Variants in CCDC3 observed in about 807,000 individuals in gnomAD.
CCDC3 encodes coiled-coil domain-containing protein 3.
CCDC3 carries 24 observed loss-of-function variants against 21.4 expected under a neutral mutation model. That is an observed-to-expected ratio of 1.12 (90% CI 0.81 to 1.58). The LOEUF (loss-of-function observed/expected upper bound fraction) is 1.58, where lower values mean the gene tolerates loss of function less well. CCDC3 is among the 40% of genes most tolerant of loss of function. CCDC3 has a pLI of 0.00. For missense variants in CCDC3, 425 were observed against 360.9 expected (o/e 1.18, Z -1.44); for synonymous variants, 186 against 166.0 (o/e 1.12, Z -0.93).
intron 5 of CCDC3, among the ~76,000 whole-genome samples, chr10:13,014,876 CAG>C (rs1194896251): frequency 6.6e-6 from 1 of 152,058 alleles, no homozygotes; most frequent in Middle Eastern, 3.2e-3. Flanking sequence ...ATTCTTGAAA[CAG>C]TGTGGTAATT....
chr10:12,951,818 A>AAAAC (rs1454578359), intron 2 of CCDC3, among the ~76,000 whole-genome samples: 5 of 151,160 alleles, frequency 3.3e-5, no homozygotes, highest in African/African-American at 1.2e-4. Flanking sequence ...AAAAAAAAAA[A>AAAAC]AAAAAAAAAG....
At chr10:12,921,897 C>T (rs984133090) in intron 2 of CCDC3, among the ~76,000 whole-genome samples, 2 of 152,142 alleles carry the variant, frequency 1.3e-5, no homozygotes, top group African/African-American at 4.8e-5. Flanking sequence ...TGTGGGCCAC[C>T]ATGCCTGGCT....
At chr10:12,981,661 A>G (rs1835498871) in intron 2 of CCDC3, among the ~76,000 whole-genome samples, 1 of 152,162 alleles carries the variant, frequency 6.6e-6, no homozygotes, top group African/African-American at 2.4e-5. Context: ...CTGACTGCTG[A>G]CTTTTTGGCA....
chr10:12,982,603 G>C (rs1051853840), intron 2 of CCDC3, among the ~76,000 whole-genome samples: 8 of 151,670 alleles, frequency 5.3e-5, no homozygotes, highest in African/African-American at 1.7e-4. Flanking sequence ...AGACCAGCCT[G>C]ACCAACATGG....
chr10:12,943,288 G>A (rs1219791440), intron 2 of CCDC3, among the ~76,000 whole-genome samples: 1 of 152,112 alleles, frequency 6.6e-6, no homozygotes, highest in Non-Finnish European at 1.5e-5. Flanking sequence ...CCCCGCAAAC[G>A]ACTACATGGA....
Position 13,033,211 on chromosome 10 carries a change from G to C in CCDC3, c.-2+16463C>G, listed in dbSNP as rs572762972. Among the ~76,000 whole-genome samples, 71 of 152,184 alleles carry C rather than the reference G, an allele frequency of 4.7e-4. No individual in the cohort carries two copies. The East Asian group carries it at 0.013, about 29-fold the overall frequency. Reference sequence around the variant, plus strand: ...ACACATCTACAACCATCTGATCTTTGACAAACCTGACAAAAACAAGCAATG... The same window carrying C: ...ACACATCTACAACCATCTGATCTTTCACAAACCTGACAAAAACAAGCAATG... On this transcript the variant is annotated intron_variant, in intron 5 of 6. Coordinates refer to the CCDC3 transcript ENST00000378839.
At chr10:12,935,243 G>C (rs142818467) in intron 2 of CCDC3, among the ~76,000 whole-genome samples, 5 of 152,148 alleles carry the variant, frequency 3.3e-5, no homozygotes, top group Non-Finnish European at 5.9e-5. Context: ...GTTTGAGACA[G>C]AATTTTGCTC....
chr10:13,044,422 C>T (rs1160382303), intron 5 of CCDC3, among the ~76,000 whole-genome samples: 2 of 152,172 alleles, frequency 1.3e-5, no homozygotes, highest in Non-Finnish European at 2.9e-5. Context: ...AAATTCTTTC[C>T]TAAGACCAAT....
intron 2 of CCDC3, among the ~76,000 whole-genome samples, chr10:12,943,281 C>A (rs281847): frequency 0.011 from 1,624 of 152,004 alleles, 23 homozygotes; most frequent in African/African-American, 0.037. Flanking sequence ...AGCACCCCCC[C>A]GCAAACGACT....
intron 5 of CCDC3, among the ~76,000 whole-genome samples, chr10:13,009,866 A>AATATCAAGCC (rs1353597998): frequency 6.6e-6 from 1 of 152,248 alleles, no homozygotes; most frequent in East Asian, 1.9e-4. Flanking sequence ...AAAAGAATGA[A>AATATCAAGCC]ATATCAAGCC....
At chr10:13,041,479 G>A (rs1836452970) in intron 5 of CCDC3, among the ~76,000 whole-genome samples, 1 of 126,084 alleles carries the variant, frequency 7.9e-6, no homozygotes, top group South Asian at 2.7e-4. Context: ...CTGTGTGTAA[G>A]TTCACTCCAA....
At chr10:12,954,306 G>C (rs1835051959) in intron 2 of CCDC3, among the ~76,000 whole-genome samples, 1 of 152,162 alleles carries the variant, frequency 6.6e-6, no homozygotes, top group Non-Finnish European at 1.5e-5. Flanking sequence ...ATATTGAATT[G>C]AAACAAAGTG....
Position 12,942,074 on chromosome 10 carries a change from G to A in CCDC3, c.550-43395C>T, listed in dbSNP as rs577909579. On this transcript the variant is annotated intron_variant, in intron 2 of 2. Coordinates refer to ENST00000378825, the MANE Select transcript of CCDC3 (RefSeq NM_031455.4). ...AGAAGTCTATGCTCTATGCCTTTGAGATGTCCATTTTCTCTCTTGTTTTCT... is the reference window on the plus strand; with the variant it reads ...AGAAGTCTATGCTCTATGCCTTTGAAATGTCCATTTTCTCTCTTGTTTTCT... Among the ~76,000 whole-genome samples the A allele has an allele frequency of 9.1e-4, 139 of 152,272 alleles. 1 individual carries two copies. The highest frequency in any genetic ancestry group is 3.1e-3 in the African/African-American group (128 of 41,550).
At chr10:12,909,048 T>G (rs1369699738) in intron 2 of CCDC3, among the ~76,000 whole-genome samples, 3 of 152,216 alleles carry the variant, frequency 2.0e-5, no homozygotes, top group Non-Finnish European at 4.4e-5. Context: ...AGGCTCCATC[T>G]TCCTGGTATC....
rs895647990 is a variant in CCDC3, at chr10:13,013,946, C to G, written c.-1-15434G>C. 2.6e-5 allele frequency among the ~76,000 whole-genome samples: 4 copies of G among 151,644 alleles called. No homozygotes were observed. The East Asian group carries it at 7.8e-4, about 30-fold the overall frequency. On this transcript the variant is annotated intron_variant, in intron 5 of 6. Transcript: ENST00000378839. ...CAGGGGGATCACTTGAGGTCAGGAG[C>G]TTGAGACCAGCCTGGCCAACATGGC...
intron 5 of CCDC3, among the ~76,000 whole-genome samples, chr10:13,027,734 A>AC (rs1235968767): frequency 2.1e-5 from 3 of 139,738 alleles, no homozygotes; most frequent in African/African-American, 8.8e-5. Flanking sequence ...AAAAAAAAAC[A>AC]AAAAAAAACT....
intron 3 of CCDC3, among the ~76,000 whole-genome samples, chr10:13,094,618 C>T (rs1024630722): frequency 6.6e-6 from 1 of 151,914 alleles, no homozygotes; most frequent in Non-Finnish European, 1.5e-5. Flanking sequence ...AATTCCAGCA[C>T]TTTGGGAGGC....
intron 4 of CCDC3, among the ~76,000 whole-genome samples, chr10:13,073,626 C>G (rs919040456): frequency 6.6e-6 from 1 of 151,914 alleles, no homozygotes; most frequent in Non-Finnish European, 1.5e-5. Context: ...GAGGCTACAG[C>G]TACAACTACA....
At chr10:12,963,451 A>G (rs1835209777) in intron 2 of CCDC3, among the ~76,000 whole-genome samples, 1 of 152,176 alleles carries the variant, frequency 6.6e-6, no homozygotes, top group Non-Finnish European at 1.5e-5. Context: ...CTTTCTAAAG[A>G]GTTTCATATA....
Sources: gnomAD v4.1 joint callset for allele counts (sites outside exome capture counted in the v4.1 genomes callset) on GRCh38, gnomAD v4.1.1 for gene constraint, MANE v1.5 for transcripts, NCBI Gene and HGNC (gene_info 2026-07-23, HGNC 2026-07-21) for gene names.